Variants in ACTR3C observed in about 807,000 individuals in gnomAD.
ACTR3C encodes actin-related protein 3C.
ACTR3C carries 18 observed loss-of-function variants against 26.3 expected under a neutral mutation model. The ratio of observed to expected loss-of-function variants is 0.68; its 90% CI spans 0.47 to 1.01. The LOEUF (loss-of-function observed/expected upper bound fraction) is 1.01, where lower values mean the gene tolerates loss of function less well. ACTR3C is among the 50% of genes least tolerant of loss of function. The pLI is 0.00. For synonymous variants in ACTR3C, 55 were observed against 94.5 expected, an observed-to-expected ratio of 0.58 and a Z score of 2.42; for missense variants, 184 against 250.7, an observed-to-expected ratio of 0.73 and a Z score of 1.80.
At chr7:150,064,649 TACACACACACACAC>T in the ACTR3C span, among the ~76,000 whole-genome samples, 7 of 145,246 alleles carry the variant, frequency 4.8e-5, no homozygotes, top group Non-Finnish European at 6.0e-5. Context: ...TATTTTCACA[TACACACACACACAC>T]ACACACACAC....
At chr7:150,163,089 G>A in the ACTR3C span, among the ~76,000 whole-genome samples, 1 of 151,952 alleles carries the variant, frequency 6.6e-6, no homozygotes, top group South Asian at 2.1e-4. Flanking sequence ...GGGAGGCGGA[G>A]GTTGCAGCAG....
chr7:150,250,329 G>T (rs62502646), intron 6 of ACTR3C, among the ~76,000 whole-genome samples: 2,845 of 149,458 alleles, frequency 0.019, 55 homozygotes, highest in Non-Finnish European at 0.027. Context: ...TCAGCCTCCC[G>T]AGTAGCTGGG....
the ACTR3C span, among the ~76,000 whole-genome samples, chr7:149,983,623 G>A: frequency 6.6e-6 from 1 of 150,462 alleles, no homozygotes; most frequent in African/African-American, 2.4e-5. Context: ...CTCATTTCCA[G>A]GTACGTATCC....
chr7:150,006,637 T>A, the ACTR3C span, among the ~76,000 whole-genome samples: 326 of 150,966 alleles, frequency 2.2e-3, 1 homozygote, highest in African/African-American at 7.1e-3. Flanking sequence ...CCACCTGGGG[T>A]CCCTGGTGCC....
the ACTR3C span, among the ~76,000 whole-genome samples, chr7:149,896,980 G>A: frequency 1.3e-5 from 2 of 148,770 alleles, no homozygotes; most frequent in Admixed American, 1.4e-4. Flanking sequence ...AGAATCACTT[G>A]AACTTGGGAG....
At chr7:149,892,284 T>C in the ACTR3C span, 56 of 1,556,520 alleles carry the variant, frequency 3.6e-5, no homozygotes, top group Non-Finnish European at 4.4e-5. Flanking sequence ...CTTTGTAGCA[T>C]ATGTAGGTTT....
chr7:150,127,848 A>G, the ACTR3C span, among the ~76,000 whole-genome samples: 1 of 151,488 alleles, frequency 6.6e-6, no homozygotes, highest in East Asian at 1.9e-4. Flanking sequence ...TTTTAGACTA[A>G]ATTAAATTAT....
At chr7:149,995,682 G>C in the ACTR3C span, among the ~76,000 whole-genome samples, 1 of 152,216 alleles carries the variant, frequency 6.6e-6, no homozygotes, top group South Asian at 2.1e-4. Context: ...ATGGCATTCA[G>C]GTTGGTGAGT....
At chr7:150,159,048 C>CACG in the ACTR3C span, among the ~76,000 whole-genome samples, 5 of 149,262 alleles carry the variant, frequency 3.3e-5, no homozygotes, top group African/African-American at 1.2e-4. Flanking sequence ...AGGCACACAC[C>CACG]GTGGCAACAA....
At chr7:150,099,343 A>C in the ACTR3C span, among the ~76,000 whole-genome samples, 1 of 151,690 alleles carries the variant, frequency 6.6e-6, no homozygotes, top group East Asian at 1.9e-4. Context: ...AAGTACATAC[A>C]TAATTGATGG....
chr7:149,968,067 A>G, the ACTR3C span, among the ~76,000 whole-genome samples: 1 of 152,216 alleles, frequency 6.6e-6, no homozygotes, highest in African/African-American at 2.4e-5. Flanking sequence ...ACCCTTTGGT[A>G]AGTTGCAAAT....
At chr7:149,947,184 A>G in the ACTR3C span, among the ~76,000 whole-genome samples, 1 of 149,922 alleles carries the variant, frequency 6.7e-6, no homozygotes, top group African/African-American at 2.5e-5. Context: ...TTCCTATCCT[A>G]GCAGTTAAAT....
At chr7:150,322,090 G>A (rs1172871699) in intron 1 of ACTR3C, among the ~76,000 whole-genome samples, 1 of 152,212 alleles carries the variant, frequency 6.6e-6, no homozygotes, top group Non-Finnish European at 1.5e-5. Context: ...GACTTCTTCG[G>A]CTCCCACACA....
the ACTR3C span, among the ~76,000 whole-genome samples, chr7:150,086,858 C>A: frequency 1.3e-5 from 2 of 150,164 alleles, no homozygotes; most frequent in Non-Finnish European, 1.5e-5. Flanking sequence ...CCCTTGTACA[C>A]TCCTAGTGAA....
chr7:149,907,478 T>TTCTCTTCTCTCTCTTTCTCTC, the ACTR3C span, among the ~76,000 whole-genome samples: 33 of 97,680 alleles, frequency 3.4e-4, no homozygotes, highest in Admixed American at 3.2e-3. Flanking sequence ...CTCTCTTCTC[T>TTCTCTTCTCTCTCTTTCTCTC]TCTCTCTCTC....
the ACTR3C span, among the ~76,000 whole-genome samples, chr7:149,936,903 C>T: frequency 6.6e-6 from 1 of 151,588 alleles, no homozygotes; most frequent in Admixed American, 6.6e-5. Context: ...GATCCTCCAC[C>T]TCAGCCTCCC....
chr7:149,903,430 T>G, the ACTR3C span, among the ~76,000 whole-genome samples: 1 of 151,954 alleles, frequency 6.6e-6, no homozygotes, highest in African/African-American at 2.4e-5. Flanking sequence ...CATTCCCATA[T>G]GCTGGCAATA....
the ACTR3C span, among the ~76,000 whole-genome samples, chr7:149,911,593 G>GA: frequency 4.9e-4 from 70 of 143,118 alleles, no homozygotes; most frequent in African/African-American, 1.5e-3. Context: ...GATGGAACCA[G>GA]AAAAAAAAAT....
chr7:150,314,378 T>C (rs1796618012), intron 1 of ACTR3C, among the ~76,000 whole-genome samples: 1 of 152,166 alleles, frequency 6.6e-6, no homozygotes, highest in Non-Finnish European at 1.5e-5. Context: ...GTTAGGTCTA[T>C]TGTTTGCACC....
Sources: allele counts gnomAD v4.1 joint callset (sites outside exome capture counted in the v4.1 genomes callset), GRCh38; gene constraint gnomAD v4.1.1; transcripts MANE v1.5; gene names NCBI Gene and HGNC (gene_info 2026-07-23, HGNC 2026-07-21).